The following CHCHD3 variants were observed in gnomAD, a reference collection of about 807,000 sequenced individuals.
CHCHD3 encodes the protein MICOS complex subunit MIC19.
Under a neutral mutation model 38.2 loss-of-function variants are expected in CHCHD3, and 20 were observed. The ratio of observed to expected loss-of-function variants is 0.52; its 90% CI spans 0.37 to 0.76. The LOEUF is 0.76. Among genes scored for constraint, CHCHD3 ranks in the 30% least tolerant of loss-of-function variants. CHCHD3 has a pLI of 0.00. For synonymous variants in CHCHD3, 82 were observed against 100.0 expected (o/e 0.82, Z 1.07); for missense variants, 245 against 279.2 (o/e 0.88, Z 0.87).
At chr7:132,946,763 T>C (rs1333722184) in intron 4 of CHCHD3, among the ~76,000 whole-genome samples, 1 of 151,886 alleles carries the variant, frequency 6.6e-6, no homozygotes, top group Non-Finnish European at 1.5e-5. Flanking sequence ...CTGAAATATG[T>C]GATAGTTTAC....
chr7:132,974,733 G>C (rs2117331583), intron 4 of CHCHD3, among the ~76,000 whole-genome samples: 1 of 152,240 alleles, frequency 6.6e-6, no homozygotes, highest in East Asian at 1.9e-4. Flanking sequence ...AATTAGCTGG[G>C]CACGATGGCA....
At chr7:132,881,195 T>A (rs1809045023) in intron 5 of CHCHD3, among the ~76,000 whole-genome samples, 1 of 152,174 alleles carries the variant, frequency 6.6e-6, no homozygotes, top group African/African-American at 2.4e-5. Context: ...CACTTATTAC[T>A]CCTAACAAGT....
At chr7:133,016,450 T>G (rs1015196532) in intron 3 of CHCHD3, among the ~76,000 whole-genome samples, 4 of 152,210 alleles carry the variant, frequency 2.6e-5, no homozygotes, top group African/African-American at 9.7e-5. Flanking sequence ...AAATGACAAC[T>G]GCTTCTGAAT....
chr7:132,882,432 C>T (rs750762031), intron 5 of CHCHD3, among the ~76,000 whole-genome samples: 3 of 150,736 alleles, frequency 2.0e-5, no homozygotes, highest in Admixed American at 6.6e-5. Flanking sequence ...ACTTCCCAGG[C>T]TGATCTTCAA....
At chr7:133,012,256 C>T (rs1812896365) in intron 3 of CHCHD3, among the ~76,000 whole-genome samples, 1 of 152,114 alleles carries the variant, frequency 6.6e-6, no homozygotes, top group South Asian at 2.1e-4. Context: ...TAATGAAATG[C>T]ACAATTTCCA....
chr7:132,984,508 CT>C, intron 3 of CHCHD3, among the ~76,000 whole-genome samples: 1 of 146,370 alleles, frequency 6.8e-6, no homozygotes, highest in Non-Finnish European at 1.5e-5. Flanking sequence ...TGAGGAGCGT[CT>C]CTGCCTGGCC....
intron 6 of CHCHD3, among the ~76,000 whole-genome samples, chr7:132,836,788 C>T (rs953433671): frequency 3.3e-5 from 5 of 152,198 alleles, no homozygotes; most frequent in African/African-American, 4.8e-5. Flanking sequence ...TCTCATTCTT[C>T]AAGTTCTTAT....
intron 5 of CHCHD3, among the ~76,000 whole-genome samples, chr7:132,846,614 G>A (rs142819019): frequency 6.6e-6 from 1 of 152,258 alleles, no homozygotes; most frequent in East Asian, 1.9e-4. Flanking sequence ...CCTAGGAGTA[G>A]GTATCTTGTC....
intron 4 of CHCHD3, among the ~76,000 whole-genome samples, chr7:132,912,367 A>G (rs1809973658): frequency 6.6e-6 from 1 of 152,206 alleles, no homozygotes; most frequent in Non-Finnish European, 1.5e-5. Flanking sequence ...TGAAATAAGA[A>G]GACAGATAAA....
At chr7:132,835,179 A>G (rs1807748053) in intron 6 of CHCHD3, among the ~76,000 whole-genome samples, 1 of 149,028 alleles carries the variant, frequency 6.7e-6, no homozygotes, top group South Asian at 2.1e-4. Context: ...ACAGGGATTC[A>G]CCATGTTGGA....
chr7:133,052,209 C>A (rs137999670), intron 2 of CHCHD3: 7 of 152,340 alleles, frequency 4.6e-5, no homozygotes, highest in African/African-American at 1.7e-4. Flanking sequence ...CTGTGCTAAC[C>A]ATTCTGCAGC....
chr7:132,974,853 G>A (rs550565219), intron 4 of CHCHD3, among the ~76,000 whole-genome samples: 24 of 150,322 alleles, frequency 1.6e-4, no homozygotes, highest in African/African-American at 5.6e-4. Flanking sequence ...TAGCCTAGGC[G>A]ACAGAGCAAG....
intron 4 of CHCHD3, among the ~76,000 whole-genome samples, chr7:132,923,771 A>T (rs759478545): frequency 5.9e-5 from 9 of 152,182 alleles, no homozygotes; most frequent in Non-Finnish European, 8.8e-5. Flanking sequence ...AGCCAGAAAT[A>T]TTTTTGGTCT....
intron 4 of CHCHD3, among the ~76,000 whole-genome samples, chr7:132,963,591 T>C (rs970111113): frequency 6.7e-6 from 1 of 150,370 alleles, no homozygotes; most frequent in African/African-American, 2.5e-5. Flanking sequence ...ACTGCACCAC[T>C]GCATTCCAGC....
intron 4 of CHCHD3, among the ~76,000 whole-genome samples, chr7:132,957,105 A>T (rs1811193905): frequency 6.6e-6 from 1 of 152,146 alleles, no homozygotes; most frequent in Non-Finnish European, 1.5e-5. Context: ...TCTGAAAACC[A>T]CCACAAAGAC....
rs1012166143 is a variant in CHCHD3 at position 132,923,432 on chromosome 7, C to T, written c.370-37687G>A. Among the ~76,000 whole-genome samples, 6 of 151,894 alleles carry T rather than the reference C, an allele frequency of 4.0e-5. No individual in the cohort carries two copies. In the East Asian group the frequency reaches 9.6e-4, roughly 24 times the overall value. ...TTAGACATAGATAAAAGTAAATATGCCAAATATTCAGAGGGAAGAAAATAA... is the reference window on the plus strand; with the variant it reads ...TTAGACATAGATAAAAGTAAATATGTCAAATATTCAGAGGGAAGAAAATAA... On this transcript the variant is annotated intron_variant, in intron 4 of 7. Transcript: ENST00000262570.
At chr7:132,976,814 G>A (rs1363841918) in intron 3 of CHCHD3, among the ~76,000 whole-genome samples, 1 of 151,526 alleles carries the variant, frequency 6.6e-6, no homozygotes. Flanking sequence ...ACATCATCCT[G>A]ATACTCTGGA....
rs538686278 is a variant in CHCHD3 at position 132,936,400 on chromosome 7, G to A, written c.369+38769C>T. Among the ~76,000 whole-genome samples, 135 of 152,246 alleles carry A rather than the reference G, an allele frequency of 8.9e-4. 2 individuals are homozygous for A. In the Middle Eastern group the frequency reaches 0.014, roughly 15 times the overall value. ...AATCAAAAGCTTGCGGTTGCAAAAG[G>A]GCAAGAAGGAAGAGCAGTGTACTCA... On this transcript the variant is annotated intron_variant, in intron 4 of 7. Coordinates refer to ENST00000262570, the MANE Select transcript of CHCHD3 (RefSeq NM_017812.4).
chr7:133,033,670 G>T (rs1813567254), intron 2 of CHCHD3, among the ~76,000 whole-genome samples: 1 of 152,172 alleles, frequency 6.6e-6, no homozygotes, highest in Non-Finnish European at 1.5e-5. Flanking sequence ...TAAACATTTG[G>T]ATGACACCAA....
Sources: allele counts gnomAD v4.1 joint callset (sites outside exome capture counted in the v4.1 genomes callset), GRCh38; gene constraint gnomAD v4.1.1; transcripts MANE v1.5; gene names NCBI Gene and HGNC (gene_info 2026-07-23, HGNC 2026-07-21).